Variants in MSRB3 observed in about 807,000 individuals in gnomAD.
The protein encoded by MSRB3 is methionine sulfoxide reductase B3.
A neutral mutation model predicts 21.0 loss-of-function variants in MSRB3; 13 were observed. That is an observed-to-expected ratio of 0.62 (90% CI 0.40 to 0.98). MSRB3 has a LOEUF of 0.98. Ranked by LOEUF, MSRB3 falls within the 50% of genes least tolerant of loss-of-function variation. The probability of loss-of-function intolerance (pLI) is 0.00; values close to 1 mark genes in which losing one functional copy is unlikely to be tolerated. For synonymous variants in MSRB3, 87 were observed against 88.6 expected (o/e 0.98, Z 0.10); for missense variants, 199 against 230.3 (o/e 0.86, Z 0.88).
intron 1 of MSRB3, among the ~76,000 whole-genome samples, chr12:65,294,906 C>T (rs1223799578): frequency 6.6e-6 from 1 of 152,074 alleles, no homozygotes; most frequent in African/African-American, 2.4e-5. Flanking sequence ...CCTGTGGCCT[C>T]GAACTCCTGG....
chr12:65,419,211 G>T, intron 5 of MSRB3: 1 of 713,688 alleles, frequency 1.4e-6, no homozygotes, highest in East Asian at 2.5e-5. Context: ...GCTGAGACCA[G>T]TATTTGTCCA....
In MSRB3 at chr12:65,453,703, G is replaced by C. The variant is rs374937043; in HGVS notation, c.293-25G>C. ...GCTGTGTATCTCTCCTCTCTGCTTTGATTCTTGTGCCTGCTGTGTCCCAGG... is the reference window on the plus strand; with the variant it reads ...GCTGTGTATCTCTCCTCTCTGCTTTCATTCTTGTGCCTGCTGTGTCCCAGG... On this transcript the variant is annotated intron_variant, in intron 5 of 6. Transcript: ENST00000308259. 1.9e-6 allele frequency: 3 copies of C among 1,570,412 alleles called. No homozygotes were observed. The African/African-American group carries it at 4.1e-5, about 21-fold the overall frequency.
At chr12:65,451,839 C>A (rs1447777028) in intron 5 of MSRB3, among the ~76,000 whole-genome samples, 3 of 152,178 alleles carry the variant, frequency 2.0e-5, no homozygotes, top group Non-Finnish European at 4.4e-5. Context: ...TTATTTAAGG[C>A]TAACTGGAAA....
chr12:65,316,720 A>G (rs767026860), intron 2 of MSRB3, among the ~76,000 whole-genome samples: 3 of 152,190 alleles, frequency 2.0e-5, no homozygotes, highest in African/African-American at 4.8e-5. Flanking sequence ...CTATAGGATG[A>G]AAGGAGTTAT....
At chr12:65,428,001 A>T (rs1881689272) in intron 5 of MSRB3, among the ~76,000 whole-genome samples, 1 of 152,198 alleles carries the variant, frequency 6.6e-6, no homozygotes, top group South Asian at 2.1e-4. Flanking sequence ...AGGTGTCCAG[A>T]GTTGAGGCAC....
chr12:65,358,274 T>A (rs1400700866), intron 4 of MSRB3, among the ~76,000 whole-genome samples: 3 of 151,676 alleles, frequency 2.0e-5, no homozygotes, highest in African/African-American at 7.3e-5. Flanking sequence ...TGCAGCACCA[T>A]GCCCAGCTAA....
Position 65,348,845 on chromosome 12 carries a change from C to T in MSRB3, c.264-20153C>T, listed in dbSNP as rs182866488. ...ATTTCTGCCTTCATTTCGTTATGTACCCAGTAGTCATTCAGGAGCAGGTTG... is the reference window on the plus strand; with the variant it reads ...ATTTCTGCCTTCATTTCGTTATGTATCCAGTAGTCATTCAGGAGCAGGTTG... On this transcript the variant is annotated intron_variant, in intron 4 of 6. Transcript: ENST00000308259. 8.2e-3 allele frequency among the ~76,000 whole-genome samples: 1,242 copies of T among 151,914 alleles called. 18 individuals are homozygous for T. The highest frequency in any genetic ancestry group is 0.029 in the African/African-American group (1,192 of 41,480).
At chr12:65,389,308 C>T (rs1392700687) in intron 5 of MSRB3, among the ~76,000 whole-genome samples, 1 of 152,100 alleles carries the variant, frequency 6.6e-6, no homozygotes, top group East Asian at 1.9e-4. Context: ...CAAATCTCTT[C>T]ACAAAATGTT....
chr12:65,375,072 C>T (rs1191699859), intron 5 of MSRB3, among the ~76,000 whole-genome samples: 1 of 150,270 alleles, frequency 6.7e-6, no homozygotes, highest in Non-Finnish European at 1.5e-5. Flanking sequence ...AGTCAGATCT[C>T]CTGACCTCGT....
chr12:65,306,647 C>T (rs997705563), intron 1 of MSRB3, among the ~76,000 whole-genome samples: 5 of 152,066 alleles, frequency 3.3e-5, no homozygotes, highest in African/African-American at 1.2e-4. Context: ...TTTAGTTGCC[C>T]CACTTTGTTG....
chr12:65,443,100 T>A (rs1882457920), intron 5 of MSRB3, among the ~76,000 whole-genome samples: 1 of 152,126 alleles, frequency 6.6e-6, no homozygotes, highest in South Asian at 2.1e-4. Context: ...GCAAGAAAAC[T>A]GTGGATGAAA....
At chr12:65,379,101 G>T (rs577721480) in intron 5 of MSRB3, among the ~76,000 whole-genome samples, 3 of 152,256 alleles carry the variant, frequency 2.0e-5, no homozygotes, top group African/African-American at 7.2e-5. Flanking sequence ...TCCAAATAGG[G>T]ATGGTCCTGG....
chr12:65,451,336 C>T (rs181020005), intron 5 of MSRB3, among the ~76,000 whole-genome samples: 3 of 152,218 alleles, frequency 2.0e-5, no homozygotes, highest in Admixed American at 2.0e-4. Flanking sequence ...ATTCAAGCAT[C>T]AACAGTTTCC....
Position 65,465,887 on chromosome 12 carries a change from T to C in MSRB3, c.*2565T>C, listed in dbSNP as rs773508340. ...TTCCACGTTGGGGTGGCCAAAGAAA[T>C]AGGTCTCTCAGGGCTTTGCCACAGC... On this transcript the variant is annotated 3_prime_UTR_variant, in exon 7 of 7. Transcript: ENST00000308259. 2 of 152,230 alleles carry C rather than the reference T, an allele frequency of 1.3e-5. No individual in the cohort carries two copies. The highest frequency in any genetic ancestry group is 2.4e-5 in the African/African-American group (1 of 41,424). The allele number at this position is 152,230 out of a possible 1,614,324, so 9.4% of individuals were successfully genotyped here.
chr12:65,463,020 C>A (rs1052489158), intron 6 of MSRB3, 135 bp from the exon 7 acceptor site: 5 of 1,090,378 alleles, frequency 4.6e-6, no homozygotes, highest in Admixed American at 3.6e-5. Context: ...TATTGACAGG[C>A]GGATTAGAAA....
intron 5 of MSRB3, among the ~76,000 whole-genome samples, chr12:65,369,903 T>C (rs772357552): frequency 5.3e-4 from 80 of 152,188 alleles, no homozygotes; most frequent in Non-Finnish European, 1.1e-3. Context: ...AAAAATGTTT[T>C]TACTTATTAT....
rs189541187 is a variant in MSRB3 at position 65,370,307 on chromosome 12, A to T, written c.292+1281A>T. On this transcript the variant is annotated intron_variant, in intron 5 of 6. Transcript: ENST00000308259. ...AAGTTAAAATCTTTAAGTATAATTT[A>T]AAAATAAATGAATAAAGTTGATGGA... Among the ~76,000 whole-genome samples the T allele has an allele frequency of 3.7e-3, 556 of 152,318 alleles. 1 individual carries two copies. Among genetic ancestry groups the T allele is most frequent in the African/African-American group, 0.012 (513 of 41,580 alleles).
At chr12:65,364,461 TA>T (rs1365708532) in intron 4 of MSRB3, among the ~76,000 whole-genome samples, 1 of 152,170 alleles carries the variant, frequency 6.6e-6, no homozygotes, top group African/African-American at 2.4e-5. Flanking sequence ...TAATTTGGGG[TA>T]AAATGGGTGT....
intron 2 of MSRB3, among the ~76,000 whole-genome samples, chr12:65,326,574 T>C (rs1161848283): frequency 6.6e-6 from 1 of 152,234 alleles, no homozygotes; most frequent in Non-Finnish European, 1.5e-5. Context: ...AGTGAATTTT[T>C]AGTATCACAT....
Sources: gnomAD v4.1 joint callset for allele counts (sites outside exome capture counted in the v4.1 genomes callset) on GRCh38, gnomAD v4.1.1 for gene constraint, MANE v1.5 for transcripts, NCBI Gene and HGNC (gene_info 2026-07-23, HGNC 2026-07-21) for gene names.